Variants in CSMD1 observed in about 807,000 individuals in gnomAD.
The protein encoded by CSMD1 is CUB and Sushi multiple domains 1.
In CSMD1, 213 loss-of-function variants were observed where a neutral mutation model predicts 417.5. The observed-to-expected ratio is 0.51, with a 90% CI of 0.46 to 0.57. The LOEUF is 0.57. Among genes scored for constraint, CSMD1 ranks in the 20% least tolerant of loss-of-function variants. The pLI is 0.00. For missense variants in CSMD1, 6,923 were observed against 4,529.7 expected, an observed-to-expected ratio of 1.53 and a Z score of -15.17; for synonymous variants, 2,862 against 1,736.8, an observed-to-expected ratio of 1.65 and a Z score of -16.11.
chr8:4,581,231 A>G (rs1255437803), intron 2 of CSMD1, among the ~76,000 whole-genome samples: 1 of 152,242 alleles, frequency 6.6e-6, no homozygotes, highest in Non-Finnish European at 1.5e-5. Context: ...AATGTTTCAT[A>G]TAAAATTAAT....
intron 21 of CSMD1, among the ~76,000 whole-genome samples, chr8:3,354,326 T>C (rs1277582024): frequency 6.6e-6 from 1 of 152,176 alleles, no homozygotes; most frequent in Non-Finnish European, 1.5e-5. Flanking sequence ...GCTCTGGTTA[T>C]TAAAATGTAG....
chr8:4,382,746 T>C lies in CSMD1; in HGVS notation c.415+37207A>G, dbSNP rs988653038. 5.6e-4 allele frequency among the ~76,000 whole-genome samples: 85 copies of C among 152,314 alleles called. 1 individual carries two copies. Among genetic ancestry groups the C allele is most frequent in the African/African-American group, 1.9e-3 (79 of 41,578 alleles). On this transcript the variant is annotated intron_variant, in intron 3 of 69. Coordinates refer to ENST00000635120, the MANE Select transcript of CSMD1 (RefSeq NM_033225.6). ...TTAACGCTTTGCATTGTTAGGTCCA[T>C]AAACATTCTGTGTCTAAAAGAAACA... is the stretch of plus-strand genomic sequence containing the variant.
intron 1 of CSMD1, among the ~76,000 whole-genome samples, chr8:4,653,210 T>A (rs1303771592): frequency 6.6e-6 from 1 of 152,020 alleles, no homozygotes; most frequent in East Asian, 1.9e-4. Flanking sequence ...ATTTTAGAGA[T>A]AAAGCAAATG....
At chr8:3,089,641 A>T (rs1814794136) in intron 48 of CSMD1, among the ~76,000 whole-genome samples, 2 of 152,184 alleles carry the variant, frequency 1.3e-5, no homozygotes, top group South Asian at 4.1e-4. Flanking sequence ...AAAATTACTG[A>T]TGCTGACCTA....
intron 5 of CSMD1, among the ~76,000 whole-genome samples, chr8:3,991,197 C>A (rs952237108): frequency 5.3e-5 from 8 of 152,150 alleles, no homozygotes; most frequent in African/African-American, 1.9e-4. Flanking sequence ...ACAAAAATAT[C>A]CAGGATAAGG....
intron 5 of CSMD1, among the ~76,000 whole-genome samples, chr8:3,958,202 T>C (rs1812094405): frequency 1.3e-5 from 2 of 152,190 alleles, no homozygotes; most frequent in African/African-American, 2.4e-5. Context: ...ACAAATATCT[T>C]AACCCAGAAA....
Position 3,439,303 on chromosome 8 carries a change from A to T in CSMD1, c.1561+29409T>A, listed in dbSNP as rs796110084. ...TCAGTATATATATATATATATATAT[A>T]TATATATTTTTTTTTTTAATATGTA... On this transcript the variant is annotated intron_variant, in intron 12 of 69. Coordinates refer to ENST00000635120, the MANE Select transcript of CSMD1 (RefSeq NM_033225.6). 4.2e-3 allele frequency among the ~76,000 whole-genome samples: 158 copies of T among 37,922 alleles called. 1 individual carries two copies. Among genetic ancestry groups the T allele is most frequent in the Non-Finnish European group, 6.7e-3 (134 of 20,114 alleles). The allele number at this position is 37,922 out of a possible 152,430, so 24.9% of individuals were successfully genotyped here.
At chr8:3,934,785 T>G (rs1236501672) in intron 5 of CSMD1, among the ~76,000 whole-genome samples, 1 of 152,044 alleles carries the variant, frequency 6.6e-6, no homozygotes. Context: ...AAGCAGAGGT[T>G]ACAGTGAGCC....
Position 3,350,132 on chromosome 8 carries a change from T to G in CSMD1, c.3305-1971A>C, listed in dbSNP as rs1361670668. 2.0e-5 allele frequency among the ~76,000 whole-genome samples: 2 copies of G among 101,994 alleles called. 1 individual carries two copies. Among genetic ancestry groups the G allele is most frequent in the Admixed American group, 2.5e-4 (2 of 7,980 alleles). 66.9% of individuals were successfully genotyped at this position (101,994 alleles called of 152,430 possible). A position where few individuals can be genotyped will look rare whatever the true frequency, so the allele number is the denominator to read the frequency against. On this transcript the variant is annotated intron_variant, in intron 21 of 69. Transcript: ENST00000635120. Reference sequence around the variant, plus strand: ...GTGTATGTGTGTGTTACAATACCTATAATAACCTATAATAACTTGTGTATG... The same window carrying G: ...GTGTATGTGTGTGTTACAATACCTAGAATAACCTATAATAACTTGTGTATG...
chr8:3,512,823 C>G (rs750732524), intron 10 of CSMD1, among the ~76,000 whole-genome samples: 5 of 152,076 alleles, frequency 3.3e-5, no homozygotes, highest in South Asian at 2.1e-4. Flanking sequence ...CTAGGATGGT[C>G]TTGATCTCTT....
At chr8:4,747,463 G>C (rs1353022682) in intron 1 of CSMD1, among the ~76,000 whole-genome samples, 1 of 152,064 alleles carries the variant, frequency 6.6e-6, no homozygotes, top group Non-Finnish European at 1.5e-5. Context: ...ATTTAAGCAG[G>C]AAAGAGAAGA....
At chr8:4,379,680 AAGAGGGCAATGAAGCAACAATGGC>A (rs1802978153) in intron 3 of CSMD1, among the ~76,000 whole-genome samples, 3 of 56,480 alleles carry the variant, frequency 5.3e-5, no homozygotes, top group African/African-American at 1.3e-4. Flanking sequence ...CTTACAGGGG[AAGAGGGCAATGAAGCAACAATGGC>A]GGGAAGAGGG....
At chr8:3,060,742 T>C (rs1447228263) in intron 49 of CSMD1, among the ~76,000 whole-genome samples, 2 of 152,142 alleles carry the variant, frequency 1.3e-5, no homozygotes, top group Non-Finnish European at 2.9e-5. Context: ...TTCAATATGA[T>C]AGTATTAAGA....
chr8:4,201,784 A>C (rs1263234314), intron 3 of CSMD1, among the ~76,000 whole-genome samples: 1 of 150,738 alleles, frequency 6.6e-6, no homozygotes, highest in Non-Finnish European at 1.5e-5. Flanking sequence ...AGGTTTATGT[A>C]CCTAACCTCC....
intron 3 of CSMD1, among the ~76,000 whole-genome samples, chr8:4,091,913 T>A (rs1271479708): frequency 4.6e-5 from 7 of 152,180 alleles, no homozygotes; most frequent in Non-Finnish European, 7.3e-5. Context: ...AAATAGTCAG[T>A]GCTCCCAGTT....
chr8:3,529,576 G>C (rs973188803), intron 10 of CSMD1, among the ~76,000 whole-genome samples: 3 of 152,184 alleles, frequency 2.0e-5, no homozygotes, highest in Non-Finnish European at 4.4e-5. Context: ...TGGAAGAGTA[G>C]AATCACAGGA....
intron 5 of CSMD1, among the ~76,000 whole-genome samples, chr8:3,860,942 T>C (rs1804658876): frequency 1.3e-5 from 2 of 152,232 alleles, no homozygotes; most frequent in South Asian, 2.1e-4. Flanking sequence ...ATATATTTTC[T>C]AGTTGATATA....
In CSMD1 at chr8:4,256,136, C is replaced by T. The variant is rs572434013; in HGVS notation, c.415+163817G>A. ...CCTGCAAAATGCTTTCTGAGCAGTA[C>T]TAATCACTATGTAGCCTGCCAGAGC... On this transcript the variant is annotated intron_variant, in intron 3 of 69. Coordinates refer to ENST00000635120, the MANE Select transcript of CSMD1 (RefSeq NM_033225.6). Among the ~76,000 whole-genome samples, 9 of 152,352 alleles carry T rather than the reference C, an allele frequency of 5.9e-5. No homozygotes were observed. In the South Asian group the frequency reaches 1.9e-3, roughly 32 times the overall value.
chr8:3,127,626 G>A (rs1448434258), intron 41 of CSMD1: 3 of 152,060 alleles, frequency 2.0e-5, no homozygotes, highest in Admixed American at 1.3e-4. Context: ...TAACACATTC[G>A]ATTATCTTTA....
Sources: allele counts gnomAD v4.1 joint callset (sites outside exome capture counted in the v4.1 genomes callset), GRCh38; gene constraint gnomAD v4.1.1; transcripts MANE v1.5; gene names NCBI Gene and HGNC (gene_info 2026-07-23, HGNC 2026-07-21).